Variants in CCDC74A observed in about 807,000 individuals in gnomAD.
The protein encoded by CCDC74A is coiled-coil domain-containing protein 74A.
CCDC74A carries 38 observed loss-of-function variants against 37.6 expected under a neutral mutation model. The observed-to-expected ratio is 1.01, with a 90% CI of 0.78 to 1.33. The LOEUF (loss-of-function observed/expected upper bound fraction) is 1.33, where lower values mean the gene tolerates loss of function less well. Among genes scored for constraint, CCDC74A ranks in the 40% most tolerant of loss-of-function variants. CCDC74A has a pLI of 0.00. For synonymous variants in CCDC74A, 134 were observed against 165.2 expected (o/e 0.81, Z 1.45); for missense variants, 340 against 403.4 (o/e 0.84, Z 1.35).
chr2:131,532,557 G>A (rs369236637), intron 4 of CCDC74A, 32 bp from the exon 5 acceptor site: 3 of 1,525,648 alleles, frequency 2.0e-6, no homozygotes, highest in South Asian at 1.3e-5. Flanking sequence ...ACCTGGGCAG[G>A]TCACCTCTGG....
At chr2:131,522,630 C>T in the CCDC74A span, among the ~76,000 whole-genome samples, 1 of 152,306 alleles carries the variant, frequency 6.6e-6, no homozygotes, top group East Asian at 1.9e-4. Context: ...ACCACCCCTG[C>T]CCCTTGCACC....
chr2:131,529,858 G>A lies in CCDC74A; in HGVS notation c.295+167G>A, dbSNP rs554423803. The A allele has an allele frequency of 4.5e-5, 67 of 1,497,130 alleles. No homozygotes were observed. The South Asian group carries it at 6.9e-4, about 15-fold the overall frequency. The allele number at this position is 1,497,130 out of a possible 1,614,324, so 92.7% of individuals were successfully genotyped here. ...CCGCTACCTCTAGCCGTGGCTGGACGATGTTATGCAGCCAAGCACAGCACG... is the reference window on the plus strand; with the variant it reads ...CCGCTACCTCTAGCCGTGGCTGGACAATGTTATGCAGCCAAGCACAGCACG... On this transcript the variant is annotated intron_variant, in intron 2 of 7. Transcript: ENST00000409856.
intron 2 of CCDC74A, chr2:131,530,061 C>G (rs1187056299): frequency 6.4e-7 from 1 of 1,550,426 alleles, no homozygotes; most frequent in South Asian, 1.2e-5. Flanking sequence ...GGATTTCCAG[C>G]CCTATGGCTC....
chr2:131,523,560 G>C (rs1292225088), upstream of CCDC74A, among the ~76,000 whole-genome samples: 1 of 152,194 alleles, frequency 6.6e-6, no homozygotes, highest in Non-Finnish European at 1.5e-5. Context: ...CTGGGATGTA[G>C]AGGTTGCAGT....
upstream of CCDC74A, among the ~76,000 whole-genome samples, chr2:131,525,252 C>T (rs1477281692): frequency 6.6e-6 from 1 of 152,108 alleles, no homozygotes; most frequent in Non-Finnish European, 1.5e-5. Context: ...TTTCCTATAT[C>T]ATTTTCCTTC....
upstream of CCDC74A, among the ~76,000 whole-genome samples, chr2:131,524,588 A>G (rs554833041): frequency 3.8e-3 from 574 of 152,092 alleles, 4 homozygotes; most frequent in African/African-American, 0.013. Flanking sequence ...AAATGCAGAC[A>G]AAGAGGCAGG....
At position 131,529,729 on chromosome 2, in the gene CCDC74A, T is replaced by C. The variant is rs746354133; in HGVS notation, c.295+38T>C. ...CCCTTCAGTGACTGATGGGATGCTC[T>C]TGCCACCCAGGGGAGCCCCTCCAGA... is the stretch of plus-strand genomic sequence containing the variant. On this transcript the variant is annotated intron_variant, in intron 2 of 7. Transcript: ENST00000409856. 13 of 1,610,164 alleles carry C rather than the reference T, an allele frequency of 8.1e-6. No homozygotes were observed. In the South Asian group the frequency reaches 1.2e-4, roughly 15 times the overall value.
At position 131,532,716 on chromosome 2, in the gene CCDC74A, A is replaced by T; in HGVS notation, c.613A>T (p.Thr205Ser). Reference protein sequence around the residue: ...ILPLPLRKPTTLRQCEVLIRE... With the variant: ...ILPLPLRKPTSLRQCEVLIRE... The stretch of plus-strand genomic sequence containing the variant: ...GCCCCTTCCCCTGCGAAAGCCCACC[A>T]CACTTAGGCAGTGCGAAGTGCTCAT... Residue 205 changes from threonine (T) to serine (S), a missense_variant, in exon 5 of 8, where the codon ACA becomes TCA. Thr to Ser is a moderately conservative substitution (Grantham distance 58, BLOSUM62 1). This residue lies in a region of CCDC74A where 185 missense variants were observed against 231.5 expected (regional missense o/e 0.80). Coordinates refer to ENST00000409856, the MANE Select transcript of CCDC74A (RefSeq NM_001258306.3). 7 of 1,613,562 alleles carry T rather than the reference A, an allele frequency of 4.3e-6. No homozygotes were observed. Among genetic ancestry groups the T allele is most frequent in the Non-Finnish European group, 5.1e-6 (6 of 1,179,758 alleles).
Position 131,528,002 on chromosome 2 carries a change from G to A in CCDC74A, c.32G>A (p.Arg11Gln). The change falls in exon 1 of 8, where the codon CGG becomes CAG. Residue 11 changes from arginine to glutamine, a missense_variant. Arg to Gln is a conservative substitution (Grantham distance 43). Transcript: ENST00000409856. MSGAGVAAGT[R>Q]PPSSPTPGSR... ...GGTGCGGGGGTGGCGGCTGGGACGC[G>A]GCCCCCCAGCTCGCCGACCCCGGGC... 6.8e-7 allele frequency: 1 copy of A among 1,462,814 alleles called. No homozygotes were observed. The highest frequency in any genetic ancestry group is 9.0e-7 in the Non-Finnish European group (1 of 1,108,172). 90.6% of individuals were successfully genotyped at this position (1,462,814 alleles called of 1,614,324 possible). A position where few individuals can be genotyped will look rare whatever the true frequency, so the allele number is the denominator to read the frequency against.
chr2:131,528,303 C>A, intron 1 of CCDC74A, 83 bp downstream of exon 1: 1 of 1,564,202 alleles, frequency 6.4e-7, no homozygotes, highest in Non-Finnish European at 8.7e-7. Context: ...GAAACACAGC[C>A]ATCAACTCCA....
chr2:131,527,429 G>GT (rs968943683), upstream of CCDC74A, among the ~76,000 whole-genome samples: 2 of 151,870 alleles, frequency 1.3e-5, no homozygotes, highest in African/African-American at 2.4e-5. Context: ...CCATGCCCGG[G>GT]TTTTTTTTCT....
chr2:131,528,346 G>C, intron 1 of CCDC74A, 126 bp downstream of exon 1: 3 of 1,450,970 alleles, frequency 2.1e-6, no homozygotes, highest in Non-Finnish European at 2.8e-6. Flanking sequence ...AACACAGGAC[G>C]GTAAGCCCGC....
At chr2:131,527,638 G>A (rs1212782526), upstream of CCDC74A, 2 of 303,734 alleles carry the variant, frequency 6.6e-6, no homozygotes, top group Non-Finnish European at 1.2e-5. Context: ...GGGATTACTG[G>A]CTCCCGCCAC....
At position 131,528,175 on chromosome 2, in the gene CCDC74A, G is replaced by A; in HGVS notation, c.205G>A (p.Ala69Thr). The change falls in exon 1 of 8, where the codon GCC becomes ACC. Residue 69 changes from alanine to threonine, a missense_variant. Physicochemically the swap from Ala to Thr is moderately conservative, Grantham distance 58. Transcript: ENST00000409856. ...FLQQQHSEML[A>T]KLHEEIEHLK... ...GCAGCAGCAGCACTCGGAGATGCTG[G>A]CCAAGCTCCATGAGGAGATCGAGCA... 6.2e-7 allele frequency: 1 copy of A among 1,613,814 alleles called. No individual in the cohort carries two copies. The highest frequency in any genetic ancestry group is 1.1e-5 in the South Asian group (1 of 91,054).
intron 4 of CCDC74A, among the ~76,000 whole-genome samples, chr2:131,532,316 A>G (rs1391262056): frequency 1.4e-5 from 2 of 140,384 alleles, no homozygotes; most frequent in African/African-American, 5.2e-5. Context: ...AAGATGCCCC[A>G]CTGGGTGTGG....
intron 3 of CCDC74A, among the ~76,000 whole-genome samples, chr2:131,531,092 GC>G (rs1481587799): frequency 1.3e-5 from 2 of 152,130 alleles, no homozygotes; most frequent in Non-Finnish European, 2.9e-5. Context: ...GGCAGGAGGG[GC>G]CTCCCCGGGT....
At chr2:131,527,466 C>T (rs1285086243), upstream of CCDC74A, among the ~76,000 whole-genome samples, 2 of 152,134 alleles carry the variant, frequency 1.3e-5, no homozygotes, top group African/African-American at 2.4e-5. Context: ...CGGGGTCTCA[C>T]TTTCCATTCA....
In CCDC74A at chr2:131,527,962, G is replaced by A. The variant is rs1448295440; in HGVS notation, c.-9G>A. Reference sequence around the variant, plus strand: ...CAGTGGCAGCGGGAGAGTACCTGGCGATGGCGATATGAGCGGTGCGGGGGT... The same window carrying A: ...CAGTGGCAGCGGGAGAGTACCTGGCAATGGCGATATGAGCGGTGCGGGGGT... On this transcript the variant is annotated 5_prime_UTR_variant, in exon 1 of 8. Transcript: ENST00000409856. 7.0e-7 allele frequency: 1 copy of A among 1,432,956 alleles called. No homozygotes were observed. The highest frequency in any genetic ancestry group is 2.6e-5 in the East Asian group (1 of 38,040). The allele number at this position is 1,432,956 out of a possible 1,614,324, so 88.8% of individuals were successfully genotyped here. A position where few individuals can be genotyped will look rare whatever the true frequency, so the allele number is the denominator to read the frequency against.
chr2:131,525,715 T>A (rs1278368628), upstream of CCDC74A, among the ~76,000 whole-genome samples: 1 of 133,354 alleles, frequency 7.5e-6, no homozygotes, highest in Non-Finnish European at 1.6e-5. Flanking sequence ...GCCTGCCTTT[T>A]TTTTTTTTTT....
Sources: allele counts gnomAD v4.1 joint callset (sites outside exome capture counted in the v4.1 genomes callset), GRCh38; gene constraint gnomAD v4.1.1; regional missense constraint gnomAD v4.1.1; transcripts MANE v1.5; gene names NCBI Gene and HGNC (gene_info 2026-07-23, HGNC 2026-07-21).